The following ACBD6 variants were observed in gnomAD, a reference collection of about 807,000 sequenced individuals.
ACBD6 encodes acyl-CoA binding domain containing 6, also known as acyl-CoA-binding domain-containing protein 6.
A neutral mutation model predicts 37.2 loss-of-function variants in ACBD6; 28 were observed. The observed-to-expected ratio is 0.75, with a 90% CI of 0.56 to 1.03. ACBD6 has a LOEUF of 1.03. Ranked by LOEUF, ACBD6 falls within the 50% of genes least tolerant of loss-of-function variation. The pLI, the probability that ACBD6 is intolerant of heterozygous loss-of-function variation, is 0.00. For missense variants in ACBD6, 340 were observed against 337.4 expected (o/e 1.01, Z -0.06); for synonymous variants, 113 against 126.8 (o/e 0.89, Z 0.73).
chr1:180,279,683 G>A (rs1245996455), intron 9 of ACBD6, among the ~76,000 whole-genome samples: 1 of 152,062 alleles, frequency 6.6e-6, no homozygotes, highest in African/African-American at 2.4e-5. Flanking sequence ...TTTACAGAGG[G>A]ACAGAAACAC....
intron 3 of ACBD6, among the ~76,000 whole-genome samples, chr1:180,467,666 G>C (rs1650405068): frequency 6.6e-6 from 1 of 151,578 alleles, no homozygotes; most frequent in Non-Finnish European, 1.5e-5. Context: ...ATAAAATAAA[G>C]GGCTTAATTT....
At chr1:180,475,951 A>G (rs1378748233) in intron 3 of ACBD6, among the ~76,000 whole-genome samples, 1 of 152,192 alleles carries the variant, frequency 6.6e-6, no homozygotes, top group Non-Finnish European at 1.5e-5. Flanking sequence ...GAGTTTCACT[A>G]AATTTGTTAT....
intron 6 of ACBD6, among the ~76,000 whole-genome samples, chr1:180,397,292 G>A (rs982267175): frequency 5.3e-5 from 8 of 152,078 alleles, no homozygotes; most frequent in Admixed American, 1.3e-4. Context: ...GGCAAGGGGA[G>A]AAATAAAAAA....
At chr1:180,427,849 G>A (rs1648649385) in intron 4 of ACBD6, among the ~76,000 whole-genome samples, 1 of 151,496 alleles carries the variant, frequency 6.6e-6, no homozygotes, top group African/African-American at 2.4e-5. Flanking sequence ...GAATCCAGGA[G>A]GCAGATGTTG....
intron 4 of ACBD6, 74 bp downstream of exon 4, chr1:180,430,106 A>T (rs1648753742): frequency 8.0e-7 from 1 of 1,257,162 alleles, no homozygotes; most frequent in African/African-American, 1.5e-5. Flanking sequence ...CACATACATA[A>T]GCACATACAT....
At chr1:180,401,686 G>A (rs1647371409) in intron 5 of ACBD6, among the ~76,000 whole-genome samples, 1 of 151,412 alleles carries the variant, frequency 6.6e-6, no homozygotes, top group Non-Finnish European at 1.5e-5. Flanking sequence ...ACTTGGGAGG[G>A]TGAAGGCAGG....
intron 1 of ACBD6, among the ~76,000 whole-genome samples, chr1:180,496,528 G>A (rs1651745693): frequency 6.6e-6 from 1 of 151,994 alleles, no homozygotes; most frequent in Admixed American, 6.6e-5. Flanking sequence ...CCTAGTTCAG[G>A]GTTTTGCTTG....
Position 180,401,719 on chromosome 1 carries a change from T to C in ACBD6, c.574-4114A>G, listed in dbSNP as rs1264042392. The stretch of plus-strand genomic sequence containing the variant: ...AGGAGAATCGCCTGAACCTGGGAGG[T>C]GGAGGTTGCAGTGAGATGAGATCGT... On this transcript the variant is annotated intron_variant, in intron 5 of 7. Coordinates refer to ENST00000367595, the MANE Select transcript of ACBD6 (RefSeq NM_032360.4). 2.1e-5 allele frequency among the ~76,000 whole-genome samples: 3 copies of C among 140,172 alleles called. No homozygotes were observed. In the South Asian group the frequency reaches 6.6e-4, roughly 31 times the overall value. The allele number at this position is 140,172 out of a possible 152,430, so 92.0% of individuals were successfully genotyped here. A position where few individuals can be genotyped will look rare whatever the true frequency, so the allele number is the denominator to read the frequency against.
At chr1:180,489,939 G>A (rs1651427708) in intron 3 of ACBD6, among the ~76,000 whole-genome samples, 3 of 152,194 alleles carry the variant, frequency 2.0e-5, no homozygotes, top group Admixed American at 6.5e-5. Flanking sequence ...GATTACAGGC[G>A]TGAGCCACTG....
intron 6 of ACBD6, among the ~76,000 whole-genome samples, chr1:180,387,325 C>A (rs572942387): frequency 6.6e-6 from 1 of 152,180 alleles, no homozygotes; most frequent in Non-Finnish European, 1.5e-5. Flanking sequence ...AATTCTCCCC[C>A]ACACCATCAC....
intron 3 of ACBD6, among the ~76,000 whole-genome samples, chr1:180,433,708 TAC>T (rs1648906517): frequency 6.6e-6 from 1 of 152,052 alleles, no homozygotes; most frequent in Non-Finnish European, 1.5e-5. Context: ...TTGCCCTTGT[TAC>T]AGTCTTTCGT....
downstream of ACBD6, among the ~76,000 whole-genome samples, chr1:180,284,742 T>A (rs542762187): frequency 6.6e-6 from 1 of 152,272 alleles, no homozygotes; most frequent in African/African-American, 2.4e-5. Flanking sequence ...GGCCTGATAA[T>A]GCACCTTTGA....
intron 3 of ACBD6, among the ~76,000 whole-genome samples, chr1:180,490,826 G>C (rs1018774621): frequency 2.6e-5 from 4 of 150,960 alleles, no homozygotes; most frequent in African/African-American, 9.7e-5. Context: ...AATTAGCCAG[G>C]TGTAGTGGTG....
downstream of ACBD6, chr1:180,287,135 A>C (rs1409768733): frequency 6.6e-6 from 1 of 152,168 alleles, no homozygotes; most frequent in Non-Finnish European, 1.5e-5. Context: ...GGCTGGGCAC[A>C]GTGGCTCACA....
At chr1:180,413,689 AAAGTGTTACTC>A (rs1167012981) in intron 4 of ACBD6, among the ~76,000 whole-genome samples, 1 of 152,204 alleles carries the variant, frequency 6.6e-6, no homozygotes, top group Non-Finnish European at 1.5e-5. Flanking sequence ...ATAAGAGAAT[AAAGTGTTACTC>A]AAGTTTTAAA....
At chr1:180,468,462 C>T (rs1237391533) in intron 3 of ACBD6, among the ~76,000 whole-genome samples, 1 of 152,216 alleles carries the variant, frequency 6.6e-6, no homozygotes, top group Non-Finnish European at 1.5e-5. Flanking sequence ...TTACACTCCA[C>T]TAAAGATGCG....
intron 6 of ACBD6, among the ~76,000 whole-genome samples, chr1:180,322,263 T>C (rs1203507833): frequency 1.3e-5 from 2 of 152,126 alleles, no homozygotes; most frequent in African/African-American, 4.8e-5. Flanking sequence ...TTTAGTTTGC[T>C]ACTATTTTGT....
intron 4 of ACBD6, among the ~76,000 whole-genome samples, chr1:180,423,415 A>C (rs991891842): frequency 6.6e-6 from 1 of 152,156 alleles, no homozygotes; most frequent in Non-Finnish European, 1.5e-5. Context: ...ATCTTCTTCT[A>C]CTACATAACT....
At chr1:180,348,546 T>C (rs918951729) in intron 6 of ACBD6, among the ~76,000 whole-genome samples, 2 of 152,174 alleles carry the variant, frequency 1.3e-5, no homozygotes, top group Non-Finnish European at 2.9e-5. Flanking sequence ...AGATGTTAAG[T>C]GTTCAAGTAA....
Sources: gnomAD v4.1 joint callset for allele counts (sites outside exome capture counted in the v4.1 genomes callset) on GRCh38, gnomAD v4.1.1 for gene constraint, MANE v1.5 for transcripts, NCBI Gene and HGNC (gene_info 2026-07-23, HGNC 2026-07-21) for gene names.